NAALADL2: variants seen among roughly 807,000 people sequenced by gnomAD.
NAALADL2 encodes the protein N-acetylated alpha-linked acidic dipeptidase like 2.
Under a neutral mutation model 87.2 loss-of-function variants are expected in NAALADL2, and 76 were observed. The observed-to-expected ratio is 0.87, with a 90% confidence interval of 0.72 to 1.05. NAALADL2 has a LOEUF of 1.05. Among genes scored for constraint, NAALADL2 ranks in the 50% least tolerant of loss-of-function variants. The pLI is 0.00. For synonymous variants in NAALADL2, 354 were observed against 331.0 expected (o/e 1.07, Z -0.75); for missense variants, 1,089 against 945.8 (o/e 1.15, Z -1.99).
intron 13 of NAALADL2, among the ~76,000 whole-genome samples, chr3:175,795,817 ATAAC>A (rs1161091069): frequency 6.6e-6 from 1 of 152,110 alleles, no homozygotes; most frequent in Non-Finnish European, 1.5e-5. Context: ...GCTTAAAAAA[ATAAC>A]TATTTTTTCT....
intron 2 of NAALADL2, among the ~76,000 whole-genome samples, chr3:174,733,197 G>A (rs1048298729): frequency 6.6e-6 from 1 of 152,084 alleles, no homozygotes; most frequent in Non-Finnish European, 1.5e-5. Flanking sequence ...TCTTCTAGTC[G>A]CAGTATTCTG....
At chr3:175,350,412 T>G (rs1763638722) in intron 5 of NAALADL2, among the ~76,000 whole-genome samples, 1 of 152,176 alleles carries the variant, frequency 6.6e-6, no homozygotes, top group Non-Finnish European at 1.5e-5. Context: ...TTTCTTCCGT[T>G]CATACTGCTA....
At chr3:175,213,573 C>G (rs1742076789) in intron 2 of NAALADL2, among the ~76,000 whole-genome samples, 1 of 152,052 alleles carries the variant, frequency 6.6e-6, no homozygotes, top group Non-Finnish European at 1.5e-5. Flanking sequence ...TGGGAAAGAA[C>G]AATCTAGATA....
At chr3:175,733,444 A>C (rs952203655) in intron 11 of NAALADL2, among the ~76,000 whole-genome samples, 2 of 152,158 alleles carry the variant, frequency 1.3e-5, no homozygotes, top group Admixed American at 1.3e-4. Flanking sequence ...CAAGAATAGC[A>C]TGGGAAAGAC....
chr3:174,615,797 G>A lies in NAALADL2; in HGVS notation c.-115+65160G>A, dbSNP rs1370821218. Among the ~76,000 whole-genome samples the A allele has an allele frequency of 2.6e-5, 4 of 152,082 alleles. No homozygotes were observed. The East Asian group carries it at 7.7e-4, about 29-fold the overall frequency. ...GGAGTTTAACTATAAATTTTAAAGT[G>A]AGAGAAATACATAATATGTAGGAGG... On this transcript the variant is annotated intron_variant, in intron 2 of 3. Transcript: ENST00000434257.
At chr3:175,411,668 C>T (rs762617753) in intron 5 of NAALADL2, among the ~76,000 whole-genome samples, 23 of 152,044 alleles carry the variant, frequency 1.5e-4, no homozygotes, top group East Asian at 1.9e-4. Context: ...GATGGATGAA[C>T]GGGGCAGAAT....
chr3:175,244,180 T>G (rs1747531023), intron 3 of NAALADL2, among the ~76,000 whole-genome samples: 2 of 152,184 alleles, frequency 1.3e-5, no homozygotes, highest in African/African-American at 4.8e-5. Context: ...TTATAATAGT[T>G]TTATTCCTAG....
At chr3:175,703,749 AT>A (rs751319810) in intron 11 of NAALADL2, among the ~76,000 whole-genome samples, 2 of 152,174 alleles carry the variant, frequency 1.3e-5, no homozygotes, top group African/African-American at 2.4e-5. Flanking sequence ...TCTCAAAAAA[AT>A]AAATAAATAA....
At chr3:174,834,179 G>A (rs1172850982) in intron 3 of NAALADL2, among the ~76,000 whole-genome samples, 3 of 148,734 alleles carry the variant, frequency 2.0e-5, no homozygotes, top group Non-Finnish European at 4.4e-5. Context: ...AATTTAAAAT[G>A]TATATTGAGA....
At chr3:174,696,186 T>G (rs1728993602) in intron 2 of NAALADL2, among the ~76,000 whole-genome samples, 1 of 151,998 alleles carries the variant, frequency 6.6e-6, no homozygotes, top group Non-Finnish European at 1.5e-5. Flanking sequence ...GTGGGAGGCT[T>G]TAGTACAAAA....
intron 13 of NAALADL2, among the ~76,000 whole-genome samples, chr3:175,795,227 C>T (rs1753311754): frequency 1.3e-5 from 2 of 152,196 alleles, no homozygotes; most frequent in Non-Finnish European, 2.9e-5. Flanking sequence ...TGTGAAAATT[C>T]CATCTGTCAC....
intron 2 of NAALADL2, among the ~76,000 whole-genome samples, chr3:174,591,981 G>T (rs940945076): frequency 6.6e-6 from 1 of 152,044 alleles, no homozygotes; most frequent in Non-Finnish European, 1.5e-5. Flanking sequence ...TGGCAGAAAT[G>T]ACTTATAAAC....
intron 1 of NAALADL2, among the ~76,000 whole-genome samples, chr3:174,488,607 A>G (rs1037327480): frequency 1.6e-4 from 25 of 152,070 alleles, no homozygotes; most frequent in African/African-American, 4.8e-4. Context: ...TCAATTTCAT[A>G]TCTTGGCTAT....
chr3:175,197,548 A>G (rs780255396), intron 2 of NAALADL2, among the ~76,000 whole-genome samples: 32 of 152,024 alleles, frequency 2.1e-4, no homozygotes, highest in Non-Finnish European at 4.1e-4. Flanking sequence ...TCAGGGATCA[A>G]CTGTGTATAT....
intron 11 of NAALADL2, among the ~76,000 whole-genome samples, chr3:175,698,962 G>T (rs369939801): frequency 6.6e-6 from 1 of 151,926 alleles, no homozygotes; most frequent in African/African-American, 2.4e-5. Context: ...CAACAACACA[G>T]TAAGCTCAAA....
intron 3 of NAALADL2, among the ~76,000 whole-genome samples, chr3:174,751,083 C>T (rs550198656): frequency 1.6e-4 from 24 of 152,052 alleles, no homozygotes; most frequent in African/African-American, 5.8e-4. Flanking sequence ...GCTGGTATCT[C>T]CAGTGGAATT....
chr3:174,589,689 G>A (rs1465502755), intron 2 of NAALADL2, among the ~76,000 whole-genome samples: 2 of 152,078 alleles, frequency 1.3e-5, no homozygotes, highest in African/African-American at 2.4e-5. Flanking sequence ...CATTAGGTAG[G>A]GAGAGCCAAT....
intron 5 of NAALADL2, among the ~76,000 whole-genome samples, chr3:175,414,228 T>C (rs549035011): frequency 2.0e-5 from 3 of 152,320 alleles, no homozygotes; most frequent in Admixed American, 6.5e-5. Context: ...TAGATTTTAT[T>C]TGTGTTTCTT....
At chr3:175,104,923 A>G (rs539963654) in intron 2 of NAALADL2, among the ~76,000 whole-genome samples, 2 of 152,072 alleles carry the variant, frequency 1.3e-5, no homozygotes, top group African/African-American at 4.8e-5. Context: ...GGAGTTTCTC[A>G]GTGTTATGCA....
Sources: allele counts gnomAD v4.1 joint callset (sites outside exome capture counted in the v4.1 genomes callset), GRCh38; gene constraint gnomAD v4.1.1; transcripts MANE v1.5; gene names NCBI Gene and HGNC (gene_info 2026-07-23, HGNC 2026-07-21).